ANTXR2: variants seen among roughly 807,000 people sequenced by gnomAD.
The protein encoded by ANTXR2 is anthrax toxin receptor 2.
Under a neutral mutation model 73.7 loss-of-function variants are expected in ANTXR2, and 44 were observed. The ratio of observed to expected loss-of-function variants is 0.60; its 90% CI spans 0.47 to 0.77. ANTXR2 has a LOEUF of 0.77. Ranked by LOEUF, ANTXR2 falls within the 30% of genes least tolerant of loss-of-function variation. ANTXR2 has a pLI of 0.00. For synonymous variants in ANTXR2, 217 were observed against 205.9 expected (o/e 1.05, Z -0.46); for missense variants, 604 against 592.5 (o/e 1.02, Z -0.20).
chr4:79,937,454 T>C (rs193256201), intron 16 of ANTXR2, among the ~76,000 whole-genome samples: 4 of 152,234 alleles, frequency 2.6e-5, no homozygotes, highest in Non-Finnish European at 5.9e-5. Flanking sequence ...AAGCTTTTTA[T>C]CTGCAAGTGA....
At position 80,015,997 on chromosome 4, in the gene ANTXR2, G is replaced by T. The variant is rs189372410; in HGVS notation, c.945+2901C>A. On this transcript the variant is annotated intron_variant, in intron 11 of 16. Coordinates refer to ENST00000403729, the MANE Select transcript of ANTXR2 (RefSeq NM_058172.6). ...GGAAAGGAAAGGAAAGGAAAGGAAAGGAAAGGAGGGAGAGGTCGGTCCTGA... is the reference window on the plus strand; with the variant it reads ...GGAAAGGAAAGGAAAGGAAAGGAAATGAAAGGAGGGAGAGGTCGGTCCTGA... Among the ~76,000 whole-genome samples the T allele has an allele frequency of 9.8e-4, 146 of 149,194 alleles. 2 individuals are homozygous for T. Among genetic ancestry groups the T allele is most frequent in the African/African-American group, 3.5e-3 (139 of 40,018 alleles).
chr4:80,005,819 A>T (rs571845300), intron 12 of ANTXR2, among the ~76,000 whole-genome samples: 1 of 152,264 alleles, frequency 6.6e-6, no homozygotes, highest in African/African-American at 2.4e-5. Context: ...TGAAGCCAGC[A>T]AAGTTTCTTT....
At position 80,046,432 on chromosome 4, in the gene ANTXR2, A is replaced by G. The variant is rs530981778; in HGVS notation, c.636+7840T>C. Among the ~76,000 whole-genome samples, 2 of 151,918 alleles carry G rather than the reference A, an allele frequency of 1.3e-5. 1 individual carries two copies. Among genetic ancestry groups the G allele is most frequent in the South Asian group, 4.1e-4 (2 of 4,826 alleles). On this transcript the variant is annotated intron_variant, in intron 7 of 16. Coordinates refer to ENST00000403729, the MANE Select transcript of ANTXR2 (RefSeq NM_058172.6). ...TAATCATTTAATGCTAGCTTAGAAA[A>G]TAAATAAGCTTCCTATAAAAACTGC...
chr4:79,922,013 A>T (rs1188080820), intron 16 of ANTXR2, among the ~76,000 whole-genome samples: 1 of 152,108 alleles, frequency 6.6e-6, no homozygotes, highest in Non-Finnish European at 1.5e-5. Context: ...ATATAAAATG[A>T]TGTATATGTT....
chr4:80,018,783 C>A, intron 11 of ANTXR2, 115 bp downstream of exon 11: 1 of 883,152 alleles, frequency 1.1e-6, no homozygotes, highest in Non-Finnish European at 1.7e-6. Context: ...TAATGGTCTC[C>A]AATGTTATTG....
chr4:80,069,008 C>T (rs1338093854), intron 3 of ANTXR2, among the ~76,000 whole-genome samples: 1 of 152,066 alleles, frequency 6.6e-6, no homozygotes, highest in African/African-American at 2.4e-5. Flanking sequence ...CATTAATGGA[C>T]CTCAGAGAAA....
rs181323572 is a variant in ANTXR2 at position 80,002,180 on chromosome 4, C to T, written c.1041+6341G>A. ...AACTATACTACAAGGGTACAGTAAC[C>T]AAAACAGCATGGTACTGGTACCAAA... On this transcript the variant is annotated intron_variant, in intron 12 of 16. Transcript: ENST00000403729. Among the ~76,000 whole-genome samples the T allele has an allele frequency of 4.5e-3, 690 of 152,182 alleles. 10 individuals carry two copies. The highest frequency in any genetic ancestry group is 0.016 in the African/African-American group (659 of 41,528).
rs760081751 is a variant in ANTXR2 at position 79,904,590 on chromosome 4, C to A, written c.*2839G>T. On this transcript the variant is annotated 3_prime_UTR_variant, in exon 17 of 17. Coordinates refer to ENST00000403729, the MANE Select transcript of ANTXR2 (RefSeq NM_058172.6). ...ATAGATAAATATTTATGGATCAAAT[C>A]CATAAAGAACAGACATTGTTATGAA... 2 of 152,010 alleles carry A rather than the reference C, an allele frequency of 1.3e-5. No individual in the cohort carries two copies. The highest frequency in any genetic ancestry group is 2.9e-5 in the Non-Finnish European group (2 of 67,968). 9.4% of individuals were successfully genotyped at this position (152,010 alleles called of 1,614,324 possible).
chr4:79,991,263 C>T (rs777545647), intron 12 of ANTXR2, among the ~76,000 whole-genome samples: 59 of 151,794 alleles, frequency 3.9e-4, no homozygotes, highest in Non-Finnish European at 7.2e-4. Flanking sequence ...AAAAAACAAA[C>T]AACCTCATTT....
chr4:79,966,158 C>T (rs1248454126), intron 16 of ANTXR2, among the ~76,000 whole-genome samples: 1 of 103,254 alleles, frequency 9.7e-6, no homozygotes, highest in Non-Finnish European at 1.9e-5. Flanking sequence ...ACACACACTA[C>T]TCTAAAGACA....
At chr4:79,931,449 TTCTCTCTC>T (rs142694925) in intron 16 of ANTXR2, among the ~76,000 whole-genome samples, 13,988 of 134,084 alleles carry the variant, frequency 0.1, 709 homozygotes, top group Middle Eastern at 0.22. Context: ...TCCTCGCTTC[TTCTCTCTC>T]TCTCTCTCTC....
At chr4:80,054,981 T>C (rs1421201182) in intron 6 of ANTXR2, among the ~76,000 whole-genome samples, 169 bp downstream of exon 6, 1 of 151,822 alleles carries the variant, frequency 6.6e-6, no homozygotes, top group Non-Finnish European at 1.5e-5. Context: ...ACAAAACCTA[T>C]TAAAATTCTT....
intron 16 of ANTXR2, among the ~76,000 whole-genome samples, chr4:79,972,920 T>TAAAAAAAAAAAAAAAAAAAAAA (rs746252575): frequency 1.9e-5 from 1 of 53,180 alleles, no homozygotes; most frequent in African/African-American, 1.5e-4. Context: ...TAGAGTATAA[T>TAAAAAAAAAAAAAAAAAAAAAA]AAAAAAAAAA....
Position 80,031,683 on chromosome 4 carries a change from G to A in ANTXR2, c.806C>T (p.Pro269Leu). The change falls in exon 10 of 17, where the codon CCA becomes CTA. Residue 269 changes from proline to leucine, a missense_variant. By Grantham distance (98) the Pro-to-Leu change is moderately conservative. Coordinates refer to ENST00000403729, the MANE Select transcript of ANTXR2 (RefSeq NM_058172.6). The part of the protein sequence containing the change: ...VNETYTTSVK[P>L]VSVQLNSMLC... ...CATAGAATTAAGCTGTACACTTACT[G>A]GTTTTACACCTAGAAAATAAAATGC... The A allele has an allele frequency of 1.3e-6, 2 of 1,492,242 alleles. No homozygotes were observed. The highest frequency in any genetic ancestry group is 1.7e-4 in the Middle Eastern group (1 of 5,722). The allele number at this position is 1,492,242 out of a possible 1,614,324, so 92.4% of individuals were successfully genotyped here. A position where few individuals can be genotyped will look rare whatever the true frequency, so the allele number is the denominator to read the frequency against.
chr4:80,071,304 T>G (rs1170521487), intron 2 of ANTXR2, among the ~76,000 whole-genome samples: 1 of 152,206 alleles, frequency 6.6e-6, no homozygotes, highest in Non-Finnish European at 1.5e-5. Context: ...AAAGCATAAC[T>G]GAAATTCAAA....
At chr4:79,911,587 A>G (rs956080459) in intron 16 of ANTXR2, among the ~76,000 whole-genome samples, 2 of 151,962 alleles carry the variant, frequency 1.3e-5, no homozygotes, top group Admixed American at 6.6e-5. Flanking sequence ...TTAATATGCC[A>G]AAATAGAGGA....
At chr4:80,068,794 T>C (rs1254656328) in intron 3 of ANTXR2, among the ~76,000 whole-genome samples, 2 of 152,046 alleles carry the variant, frequency 1.3e-5, no homozygotes, top group Non-Finnish European at 2.9e-5. Flanking sequence ...TAACATAAAA[T>C]ATATCAATGA....
At chr4:80,011,285 AT>A (rs1731565927) in intron 11 of ANTXR2, among the ~76,000 whole-genome samples, 1 of 150,552 alleles carries the variant, frequency 6.6e-6, no homozygotes, top group Non-Finnish European at 1.5e-5. Context: ...CTATCTATCT[AT>A]CTATCTATCT....
intron 12 of ANTXR2, among the ~76,000 whole-genome samples, chr4:80,007,268 C>A (rs1420491820): frequency 1.3e-5 from 2 of 152,090 alleles, no homozygotes; most frequent in Non-Finnish European, 1.5e-5. Flanking sequence ...AAAAGGCAGT[C>A]TTGCAGTATT....
Sources: allele counts gnomAD v4.1 joint callset (sites outside exome capture counted in the v4.1 genomes callset), GRCh38; gene constraint gnomAD v4.1.1; transcripts MANE v1.5; gene names NCBI Gene and HGNC (gene_info 2026-07-23, HGNC 2026-07-21).